The following AUTS2 variants were observed in gnomAD, a reference collection of about 807,000 sequenced individuals.
The protein encoded by AUTS2 is autism susceptibility gene 2 protein.
A neutral mutation model predicts 112.4 loss-of-function variants in AUTS2; 17 were observed. The ratio of observed to expected loss-of-function variants is 0.15; its 90% CI spans 0.10 to 0.23. AUTS2 has a LOEUF of 0.23. AUTS2 is among the 10% of genes least tolerant of loss of function. The pLI is 1.00. For missense variants in AUTS2, 1,510 were observed against 1,701.6 expected (o/e 0.89, Z 1.98); for synonymous variants, 751 against 702.7 (o/e 1.07, Z -1.09).
At chr7:70,135,328 G>T (rs1459562418) in intron 4 of AUTS2, among the ~76,000 whole-genome samples, 1 of 152,076 alleles carries the variant, frequency 6.6e-6, no homozygotes, top group African/African-American at 2.4e-5. Flanking sequence ...AGCATTATTT[G>T]TACAATAGGA....
At chr7:70,318,324 G>T (rs1444809235) in intron 4 of AUTS2, among the ~76,000 whole-genome samples, 3 of 152,076 alleles carry the variant, frequency 2.0e-5, no homozygotes, top group Non-Finnish European at 4.4e-5. Context: ...GCAAGGACGT[G>T]GGCTAGAGGA....
intron 1 of AUTS2, among the ~76,000 whole-genome samples, chr7:69,627,866 A>G (rs1442908858): frequency 1.3e-5 from 2 of 152,214 alleles, no homozygotes; most frequent in Non-Finnish European, 2.9e-5. Flanking sequence ...TAAATGAGTT[A>G]TTATATGTGA....
chr7:70,293,585 A>G (rs552530474), intron 4 of AUTS2: 1 of 152,292 alleles, frequency 6.6e-6, no homozygotes, highest in Non-Finnish European at 1.5e-5. Flanking sequence ...TAAAAGGGAT[A>G]TGGACAAATT....
chr7:70,279,772 C>G (rs1440213010), intron 4 of AUTS2, among the ~76,000 whole-genome samples: 3 of 152,162 alleles, frequency 2.0e-5, no homozygotes, highest in Non-Finnish European at 2.9e-5. Flanking sequence ...AGGAGCCTGC[C>G]ACCTCAAAAG....
rs1562711634 is a variant in AUTS2 at position 70,118,178 on chromosome 7, C to T, written c.569C>T (p.Ala190Val). ...NSCRDSDSESASGESKGFHRS... is the reference protein window; with the variant it reads ...NSCRDSDSESVSGESKGFHRS... Reference sequence around the variant, plus strand: ...TGCAGGGACAGTGACAGTGAAAGTGCCAGTGGAGAATCCAAGGGCTTCCAC... The same window carrying T: ...TGCAGGGACAGTGACAGTGAAAGTGTCAGTGGAGAATCCAAGGGCTTCCAC... The change falls in exon 3 of 19, where the codon GCC becomes GTC. Residue 190 changes from alanine to valine, a missense_variant. Transcript: ENST00000342771. 1.2e-6 allele frequency: 2 copies of T among 1,611,022 alleles called. No homozygotes were observed. Among genetic ancestry groups the T allele is most frequent in the Non-Finnish European group, 1.7e-6 (2 of 1,179,040 alleles).
At chr7:70,492,650 A>G (rs1409153904) in intron 5 of AUTS2, among the ~76,000 whole-genome samples, 3 of 152,198 alleles carry the variant, frequency 2.0e-5, no homozygotes, top group Admixed American at 6.5e-5. Flanking sequence ...AGCGGAGACC[A>G]TAAGCCCAGA....
intron 4 of AUTS2, among the ~76,000 whole-genome samples, chr7:70,210,118 A>C (rs541026293): frequency 2.3e-4 from 35 of 152,204 alleles, no homozygotes; most frequent in South Asian, 6.2e-4. Context: ...TTTGCTGGGG[A>C]CCTTTTCTCC....
intron 5 of AUTS2, among the ~76,000 whole-genome samples, chr7:70,607,435 G>A (rs1393515345): frequency 6.6e-6 from 1 of 152,180 alleles, no homozygotes; most frequent in Admixed American, 6.5e-5. Flanking sequence ...AAGCAGTGAG[G>A]TCTCAGGTGT....
chr7:70,589,534 C>T (rs953590293), intron 5 of AUTS2, among the ~76,000 whole-genome samples: 15 of 152,052 alleles, frequency 9.9e-5, no homozygotes, highest in Non-Finnish European at 2.9e-5. Context: ...GCCAACATGG[C>T]GAAACCCCAT....
chr7:69,669,364 G>GTA (rs774395336), intron 1 of AUTS2, among the ~76,000 whole-genome samples: 33 of 151,360 alleles, frequency 2.2e-4, no homozygotes, highest in African/African-American at 5.8e-4. Context: ...ATATGTGTGT[G>GTA]TATATATATA....
chr7:70,432,187 G>A (rs907097071), intron 4 of AUTS2, among the ~76,000 whole-genome samples: 7 of 152,316 alleles, frequency 4.6e-5, no homozygotes, highest in East Asian at 3.9e-4. Flanking sequence ...GCAGGACCCC[G>A]ATGTCAAAAT....
At chr7:70,494,851 A>T (rs1172421379) in intron 5 of AUTS2, among the ~76,000 whole-genome samples, 1 of 152,094 alleles carries the variant, frequency 6.6e-6, no homozygotes, top group Non-Finnish European at 1.5e-5. Context: ...ACATAATAGA[A>T]TTTATGAGCA....
At chr7:70,395,631 G>A (rs1794046045) in intron 4 of AUTS2, among the ~76,000 whole-genome samples, 1 of 152,172 alleles carries the variant, frequency 6.6e-6, no homozygotes, top group South Asian at 2.1e-4. Context: ...TCAGTTAGCT[G>A]CCATGTGCTT....
At chr7:70,228,575 A>C (rs1376674771) in intron 4 of AUTS2, among the ~76,000 whole-genome samples, 1 of 151,512 alleles carries the variant, frequency 6.6e-6, no homozygotes, top group East Asian at 1.9e-4. Flanking sequence ...CTATGAAAAT[A>C]TTTTTTTCTG....
At chr7:70,645,052 T>C (rs1806073704) in intron 5 of AUTS2, among the ~76,000 whole-genome samples, 1 of 152,244 alleles carries the variant, frequency 6.6e-6, no homozygotes, top group African/African-American at 2.4e-5. Flanking sequence ...CCCAGCTTTC[T>C]TTCTGTGCTA....
At chr7:70,750,370 C>A (rs1788729069) in intron 6 of AUTS2, among the ~76,000 whole-genome samples, 1 of 127,638 alleles carries the variant, frequency 7.8e-6, no homozygotes, top group Non-Finnish European at 1.5e-5. Context: ...GTTTTCCATG[C>A]TGGAGTGCAG....
At chr7:70,465,680 C>T (rs908325844) in intron 5 of AUTS2, among the ~76,000 whole-genome samples, 2 of 152,102 alleles carry the variant, frequency 1.3e-5, no homozygotes, top group South Asian at 2.1e-4. Flanking sequence ...TCAGGATTAC[C>T]ACAAAGACTC....
intron 4 of AUTS2, among the ~76,000 whole-genome samples, chr7:70,183,731 T>C (rs1809447812): frequency 6.6e-6 from 1 of 152,178 alleles, no homozygotes; most frequent in Non-Finnish European, 1.5e-5. Context: ...ACCCCTGGAC[T>C]GGGCCATTTC....
At chr7:70,022,752 C>A (rs1457735513) in intron 2 of AUTS2, among the ~76,000 whole-genome samples, 1 of 152,080 alleles carries the variant, frequency 6.6e-6, no homozygotes, top group Non-Finnish European at 1.5e-5. Context: ...GTGTGCTAGT[C>A]AGGTGCTAGG....
Sources: gnomAD v4.1 joint callset for allele counts (sites outside exome capture counted in the v4.1 genomes callset) on GRCh38, gnomAD v4.1.1 for gene constraint, MANE v1.5 for transcripts, NCBI Gene and HGNC (gene_info 2026-07-23, HGNC 2026-07-21) for gene names.